The following LINGO1 variants were observed in gnomAD, a reference collection of about 807,000 sequenced individuals.
The protein encoded by LINGO1 is leucine rich repeat and Ig domain containing 1, also known as leucine-rich repeat and immunoglobulin-like domain-containing nogo receptor-interacting protein 1.
A neutral mutation model predicts 37.3 loss-of-function variants in LINGO1; 11 were observed. That is an observed-to-expected ratio of 0.29 (90% CI 0.19 to 0.49). The LOEUF is 0.49. LINGO1 is among the 20% of genes least tolerant of loss of function. The pLI, the probability that LINGO1 is intolerant of heterozygous loss-of-function variation, is 0.99. For missense variants in LINGO1, 585 were observed against 878.2 expected, an observed-to-expected ratio of 0.67 and a Z score of 4.22; for synonymous variants, 387 against 403.0, an observed-to-expected ratio of 0.96 and a Z score of 0.48.
chr15:77,795,403 A>C (rs2076864918), intron 2 of LINGO1, among the ~76,000 whole-genome samples: 1 of 152,190 alleles, frequency 6.6e-6, no homozygotes, highest in African/African-American at 2.4e-5. Context: ...ACAGAGAGCC[A>C]AGGTCACCTG....
intron 2 of LINGO1, among the ~76,000 whole-genome samples, chr15:77,687,855 C>A (rs2141243518): frequency 6.6e-6 from 1 of 152,334 alleles, no homozygotes; most frequent in South Asian, 2.1e-4. Flanking sequence ...CCTGAAATCT[C>A]TTTTTTCCAA....
At chr15:77,675,644 C>T (rs2075314655) in intron 3 of LINGO1, among the ~76,000 whole-genome samples, 1 of 152,086 alleles carries the variant, frequency 6.6e-6, no homozygotes, top group Non-Finnish European at 1.5e-5. Flanking sequence ...GAAAAGACTA[C>T]AGAAGGGGCT....
chr15:77,813,463 G>C (rs919841026), intron 1 of LINGO1, among the ~76,000 whole-genome samples: 4 of 152,160 alleles, frequency 2.6e-5, no homozygotes, highest in Admixed American at 6.5e-5. Context: ...GGAGGTAACA[G>C]GGAGTGCTGG....
Position 77,615,838 on chromosome 15 carries a change from C to A in LINGO1, c.69G>T (p.Trp23Cys). The change falls in exon 2 of 2, where the codon TGG (tryptophan) becomes TGT (cysteine). Residue 23 changes from tryptophan (W) to cysteine (C), a missense_variant. Trp to Cys is a radical substitution (Grantham distance 215, BLOSUM62 -2). This residue lies in a region of LINGO1 where 65 missense variants were observed against 57.0 expected (regional missense o/e 1.14). Coordinates refer to ENST00000355300, the MANE Select transcript of LINGO1 (RefSeq NM_032808.7). ...CCAGCACCAGCAGGAGGATGGGCTG[C>A]CAGCAGGCCAGGAGGGGGCTGGGCA... ...RSMPSPLLACWQPILLLVLGS... is the reference protein window; with the variant it reads ...RSMPSPLLACCQPILLLVLGS... The A allele has an allele frequency of 6.6e-7, 1 of 1,510,138 alleles. No individual in the cohort carries two copies. 93.5% of individuals were successfully genotyped at this position (1,510,138 alleles called of 1,614,324 possible). A position where few individuals can be genotyped will look rare whatever the true frequency, so the allele number is the denominator to read the frequency against.
chr15:77,813,022 C>T (rs750263474), intron 1 of LINGO1, among the ~76,000 whole-genome samples: 6 of 152,344 alleles, frequency 3.9e-5, no homozygotes, highest in Admixed American at 2.0e-4. Context: ...GCCTAGTTGG[C>T]CCCCAGGCAC....
intron 3 of LINGO1, among the ~76,000 whole-genome samples, chr15:77,647,407 GT>G (rs1488015229): frequency 9.2e-5 from 14 of 151,742 alleles, no homozygotes; most frequent in African/African-American, 3.2e-4. Flanking sequence ...CAGCTGGGGG[GT>G]GGTGGGGGGA....
At chr15:77,627,988 T>A (rs900602063) in intron 1 of LINGO1, among the ~76,000 whole-genome samples, 1 of 152,160 alleles carries the variant, frequency 6.6e-6, no homozygotes, top group African/African-American at 2.4e-5. Context: ...ATTCCAGAAA[T>A]GCAAATCAAG....
chr15:77,623,898 G>C (rs1240360065), intron 1 of LINGO1, among the ~76,000 whole-genome samples: 1 of 147,642 alleles, frequency 6.8e-6, no homozygotes, highest in Non-Finnish European at 1.5e-5. Context: ...TGATGTGTGT[G>C]TGGTCTCTGT....
intron 1 of LINGO1, among the ~76,000 whole-genome samples, chr15:77,778,273 T>C (rs1383597283): frequency 6.6e-6 from 1 of 152,204 alleles, no homozygotes; most frequent in Non-Finnish European, 1.5e-5. Context: ...CACTAGTGAT[T>C]GCATTCAGGG....
At chr15:77,699,770 A>ACCTGCACACAG (rs1567532358), upstream of LINGO1, among the ~76,000 whole-genome samples, 2 of 127,114 alleles carry the variant, frequency 1.6e-5, no homozygotes, top group African/African-American at 5.7e-5. Flanking sequence ...CATACTAACC[A>ACCTGCACACAG]TCATTCCCCC....
At chr15:77,680,670 A>C (rs11856876) in intron 2 of LINGO1, among the ~76,000 whole-genome samples, 61,337 of 151,754 alleles carry the variant, frequency 0.4, 13,143 homozygotes, top group African/African-American at 0.55. Flanking sequence ...CCTACGCCTA[A>C]ATTCGAGGGC....
In LINGO1 at chr15:77,732,864, G is replaced by A. The variant is rs561297585; in HGVS notation, c.-195+2128C>T. ...GCACACAGGCTGCTTTTATTTCAAA[G>A]ATTTCAAGAGGCCATCCCACGAGTC... On this transcript the variant is annotated intron_variant, in intron 2 of 3. Transcript: ENST00000561686. Among the ~76,000 whole-genome samples the A allele has an allele frequency of 1.6e-4, 25 of 152,360 alleles. No homozygotes were observed. The South Asian group carries it at 4.1e-3, about 25-fold the overall frequency.
At chr15:77,616,560 G>A (rs1001206164) in intron 1 of LINGO1, among the ~76,000 whole-genome samples, 1 of 152,186 alleles carries the variant, frequency 6.6e-6, no homozygotes, top group Non-Finnish European at 1.5e-5. Flanking sequence ...CACCCATGGG[G>A]TTCCTGGATT....
chr15:77,636,161 G>T (rs1025596159), upstream of LINGO1, among the ~76,000 whole-genome samples: 1 of 152,206 alleles, frequency 6.6e-6, no homozygotes, highest in African/African-American at 2.4e-5. Flanking sequence ...TTGAAGCTCT[G>T]TGTGTATCTA....
intron 1 of LINGO1, among the ~76,000 whole-genome samples, chr15:77,813,657 A>G (rs2077025129): frequency 6.6e-6 from 1 of 152,238 alleles, no homozygotes; most frequent in East Asian, 1.9e-4. Context: ...ATCATAGATC[A>G]TCAAATTGCA....
At chr15:77,805,987 G>A (rs533220519) in intron 1 of LINGO1, among the ~76,000 whole-genome samples, 75 of 152,262 alleles carry the variant, frequency 4.9e-4, no homozygotes, top group African/African-American at 1.7e-3. Flanking sequence ...CTGTGACCCC[G>A]GCAGAGGGCT....
At chr15:77,710,402 A>G (rs1226350388) in intron 2 of LINGO1, among the ~76,000 whole-genome samples, 1 of 152,198 alleles carries the variant, frequency 6.6e-6, no homozygotes, top group Non-Finnish European at 1.5e-5. Context: ...ACAATGGGCC[A>G]CCCAGCTGGT....
intron 1 of LINGO1, among the ~76,000 whole-genome samples, chr15:77,623,844 G>C (rs2073999820): frequency 6.6e-6 from 1 of 150,950 alleles, no homozygotes; most frequent in African/African-American, 2.5e-5. Flanking sequence ...GTGTGTGTGT[G>C]TGAGTGGCCT....
At chr15:77,625,424 C>G (rs1172726138) in intron 1 of LINGO1, among the ~76,000 whole-genome samples, 1 of 152,210 alleles carries the variant, frequency 6.6e-6, no homozygotes, top group Non-Finnish European at 1.5e-5. Flanking sequence ...GAAGCAGAAG[C>G]ACAAAGAGGT....
Sources: allele counts gnomAD v4.1 joint callset (sites outside exome capture counted in the v4.1 genomes callset), GRCh38; gene constraint gnomAD v4.1.1; regional missense constraint gnomAD v4.1.1; transcripts MANE v1.5; gene names NCBI Gene and HGNC (gene_info 2026-07-23, HGNC 2026-07-21).